NCKAP5: variants seen among roughly 807,000 people sequenced by gnomAD.
The protein encoded by NCKAP5 is NCK associated protein 5.
Under a neutral mutation model 167.0 loss-of-function variants are expected in NCKAP5, and 92 were observed. The ratio of observed to expected loss-of-function variants is 0.55; its 90% CI spans 0.47 to 0.66. The LOEUF is 0.66. Ranked by LOEUF, NCKAP5 falls within the 30% of genes least tolerant of loss-of-function variation. The pLI is 0.00. For missense variants in NCKAP5, 2,378 were observed against 2,315.0 expected (o/e 1.03, Z -0.56); for synonymous variants, 891 against 877.4 (o/e 1.02, Z -0.27).
chr2:133,132,737 C>T (rs546592338), intron 5 of NCKAP5, among the ~76,000 whole-genome samples: 30 of 148,358 alleles, frequency 2.0e-4, no homozygotes, highest in Admixed American at 6.8e-4. Flanking sequence ...AGTGCAGTGG[C>T]GCGATCTCAG....
intron 3 of NCKAP5, among the ~76,000 whole-genome samples, chr2:133,400,870 C>G (rs972582973): frequency 2.6e-5 from 4 of 152,084 alleles, no homozygotes; most frequent in Admixed American, 1.3e-4. Flanking sequence ...TATCCCTGCT[C>G]CCTGGCACAG....
At position 132,698,601 on chromosome 2, in the gene NCKAP5, G is replaced by A. The variant is rs561309402; in HGVS notation, c.5714-25296C>T. On this transcript the variant is annotated intron_variant, in intron 19 of 19. Coordinates refer to ENST00000409261, the MANE Select transcript of NCKAP5 (RefSeq NM_207363.3). ...TGTAACCTCAACACTTTGGGAGGCC[G>A]AGGAGGGCAGATCACAAGGTCAGGA... is the stretch of plus-strand genomic sequence containing the variant. 1.1e-4 allele frequency among the ~76,000 whole-genome samples: 16 copies of A among 152,252 alleles called. No homozygotes were observed. The East Asian group carries it at 1.9e-3, about 18-fold the overall frequency.
At chr2:133,644,174 G>A in the NCKAP5 span, among the ~76,000 whole-genome samples, 2 of 152,176 alleles carry the variant, frequency 1.3e-5, no homozygotes, top group African/African-American at 4.8e-5. Context: ...GAATTGGCAG[G>A]TTAGGTAAAG....
chr2:133,122,574 G>A (rs1396137062), intron 6 of NCKAP5: 3 of 152,200 alleles, frequency 2.0e-5, no homozygotes, highest in African/African-American at 7.2e-5. Context: ...GTTCACAGCA[G>A]AGTATCTTAA....
intron 3 of NCKAP5, among the ~76,000 whole-genome samples, chr2:133,507,690 T>A (rs1045746361): frequency 6.6e-6 from 1 of 152,144 alleles, no homozygotes; most frequent in African/African-American, 2.4e-5. Flanking sequence ...ACTGAAGCGT[T>A]TGAATATGAT....
intron 8 of NCKAP5, among the ~76,000 whole-genome samples, chr2:132,880,867 T>C (rs1691690779): frequency 6.6e-6 from 1 of 152,188 alleles, no homozygotes; most frequent in Non-Finnish European, 1.5e-5. Context: ...TTTCCATTTC[T>C]TTTCTGTACC....
intron 6 of NCKAP5, among the ~76,000 whole-genome samples, chr2:133,121,221 A>G (rs2082240956): frequency 6.6e-6 from 1 of 152,214 alleles, no homozygotes; most frequent in Non-Finnish European, 1.5e-5. Flanking sequence ...TCTTTAACGC[A>G]TAAAATATGA....
chr2:132,859,379 T>A (rs926416276), intron 11 of NCKAP5, among the ~76,000 whole-genome samples: 6 of 152,192 alleles, frequency 3.9e-5, no homozygotes, highest in African/African-American at 1.4e-4. Context: ...AGCAACACAG[T>A]CTGGATCATT....
intron 4 of NCKAP5, among the ~76,000 whole-genome samples, chr2:133,258,289 C>A (rs1252787677): frequency 6.6e-6 from 1 of 152,136 alleles, no homozygotes. Flanking sequence ...CCTAATCACT[C>A]CTTGCTCCTC....
At chr2:132,790,291 T>A (rs1361646754) in intron 12 of NCKAP5, 86 bp from the exon 13 acceptor site, 1 of 1,200,670 alleles carries the variant, frequency 8.3e-7, no homozygotes, top group Admixed American at 2.5e-5. Context: ...TAGATGGGAA[T>A]ACAGATGCTC....
At chr2:132,796,789 C>A in intron 11 of NCKAP5, 60 bp from the exon 12 acceptor site, 1 of 1,162,082 alleles carries the variant, frequency 8.6e-7, no homozygotes, top group South Asian at 1.3e-5. Context: ...TCTCAAAATC[C>A]TGCCTTGGAC....
intron 5 of NCKAP5, among the ~76,000 whole-genome samples, chr2:133,165,819 C>T (rs2083976960): frequency 6.6e-6 from 1 of 152,156 alleles, no homozygotes; most frequent in African/African-American, 2.4e-5. Flanking sequence ...CTTTTGTTCT[C>T]ATAAAAGGAA....
At chr2:132,846,482 T>G (rs982802301) in intron 11 of NCKAP5, among the ~76,000 whole-genome samples, 95 of 152,064 alleles carry the variant, frequency 6.2e-4, no homozygotes, top group Non-Finnish European at 1.2e-3. Context: ...TTTTTGTATT[T>G]TTAGTAGAGA....
chr2:132,729,595 T>G (rs899047885), intron 17 of NCKAP5, among the ~76,000 whole-genome samples: 9 of 152,180 alleles, frequency 5.9e-5, no homozygotes, highest in Admixed American at 3.3e-4. Flanking sequence ...GAGTCTGCAG[T>G]TCTGACAAGC....
intron 11 of NCKAP5, among the ~76,000 whole-genome samples, chr2:132,843,980 A>G (rs1160043986): frequency 1.3e-5 from 2 of 151,976 alleles, no homozygotes; most frequent in East Asian, 1.9e-4. Context: ...GAATACTTTC[A>G]TCTTCTTTCC....
rs561241034 is a variant in NCKAP5, at chr2:133,538,155, C to A, written c.-61-20568G>T. On this transcript the variant is annotated intron_variant, in intron 2 of 19. Coordinates refer to ENST00000409261, the MANE Select transcript of NCKAP5 (RefSeq NM_207363.3). ...AATTTTACTTTAAGGGGACTCCATG[C>A]AAACCCTTTTGAAGGCACTACTCTA... is the stretch of plus-strand genomic sequence containing the variant. Among the ~76,000 whole-genome samples, 158 of 152,280 alleles carry A rather than the reference C, an allele frequency of 1.0e-3. 1 individual carries two copies. Among genetic ancestry groups the A allele is most frequent in the African/African-American group, 3.6e-3 (149 of 41,564 alleles).
At chr2:132,917,432 C>T (rs1284260747) in intron 8 of NCKAP5, among the ~76,000 whole-genome samples, 1 of 152,074 alleles carries the variant, frequency 6.6e-6, no homozygotes, top group African/African-American at 2.4e-5. Context: ...TATTTAACCG[C>T]CAGGATTGGT....
At chr2:133,261,390 A>G (rs2088898890) in intron 4 of NCKAP5, among the ~76,000 whole-genome samples, 1 of 152,232 alleles carries the variant, frequency 6.6e-6, no homozygotes, top group Non-Finnish European at 1.5e-5. Flanking sequence ...ACCTTATTAT[A>G]TAATAATTCT....
chr2:133,587,919 A>G, the NCKAP5 span, among the ~76,000 whole-genome samples: 2 of 152,172 alleles, frequency 1.3e-5, no homozygotes, highest in African/African-American at 4.8e-5. Flanking sequence ...CAGTTTCTCT[A>G]GTATAGTGTT....
Sources: gnomAD v4.1 joint callset for allele counts (sites outside exome capture counted in the v4.1 genomes callset) on GRCh38, gnomAD v4.1.1 for gene constraint, MANE v1.5 for transcripts, NCBI Gene and HGNC (gene_info 2026-07-23, HGNC 2026-07-21) for gene names.